Variants in LARGE1 observed in about 807,000 individuals in gnomAD.
LARGE1 encodes the protein LARGE xylosyl- and glucuronyltransferase 1, also known as xylosyl- and glucuronyltransferase LARGE1.
In LARGE1, 43 loss-of-function variants were observed where a neutral mutation model predicts 87.6. That is an observed-to-expected ratio of 0.49 (90% CI 0.38 to 0.63). The LOEUF (loss-of-function observed/expected upper bound fraction) is 0.63. Among genes scored for constraint, LARGE1 ranks in the 30% least tolerant of loss-of-function variants. The probability of loss-of-function intolerance (pLI) is 0.00; values close to 1 mark genes in which losing one functional copy is unlikely to be tolerated. For missense variants in LARGE1, 802 were observed against 1,000.2 expected (o/e 0.80, Z 2.67); for synonymous variants, 434 against 394.6 (o/e 1.10, Z -1.18).
the LARGE1 span, among the ~76,000 whole-genome samples, chr22:33,072,675 G>A: frequency 1.8e-4 from 28 of 152,064 alleles, no homozygotes; most frequent in Non-Finnish European, 2.9e-4. Context: ...TGGATTGGTC[G>A]GTGGTGGGCT....
chr22:33,553,597 G>A (rs751826138), intron 6 of LARGE1, among the ~76,000 whole-genome samples: 11 of 152,078 alleles, frequency 7.2e-5, no homozygotes, highest in Non-Finnish European at 1.6e-4. Flanking sequence ...ACTGTGTCAG[G>A]TATAGCACTA....
chr22:33,569,524 C>A (rs2078131212), intron 5 of LARGE1, among the ~76,000 whole-genome samples: 2 of 152,172 alleles, frequency 1.3e-5, no homozygotes, highest in African/African-American at 4.8e-5. Context: ...AAGAAAGCCC[C>A]AGGAAAAGGT....
At chr22:33,882,594 C>G (rs2064729444) in intron 1 of LARGE1, among the ~76,000 whole-genome samples, 1 of 152,108 alleles carries the variant, frequency 6.6e-6, no homozygotes, top group Admixed American at 6.5e-5. Context: ...AACAGGAAGG[C>G]TAATCTTTAT....
chr22:33,451,887 C>G (rs1050390764), intron 6 of LARGE1, among the ~76,000 whole-genome samples: 1 of 152,130 alleles, frequency 6.6e-6, no homozygotes, highest in Non-Finnish European at 1.5e-5. Context: ...CCTTTGCATC[C>G]TCATAGCTTA....
chr22:33,660,658 G>C (rs2149227134), intron 2 of LARGE1, among the ~76,000 whole-genome samples: 1 of 152,310 alleles, frequency 6.6e-6, no homozygotes, highest in South Asian at 2.1e-4. Context: ...ATATGCAATA[G>C]TTGGACACAA....
rs574192321 is a variant in LARGE1 at position 33,749,333 on chromosome 22, C to T, written c.106+12038G>A. 5.3e-5 allele frequency among the ~76,000 whole-genome samples: 8 copies of T among 152,282 alleles called. No individual in the cohort carries two copies. In the East Asian group the frequency reaches 1.4e-3, roughly 26 times the overall value. On this transcript the variant is annotated intron_variant, in intron 2 of 14. Coordinates refer to ENST00000397394, the MANE Select transcript of LARGE1 (RefSeq NM_133642.5). ...TTCTCCATGTTGGTCAGGCTGGTCTCGAACTCCCGACCTCAGGTACCCGCC... is the reference window on the plus strand; with the variant it reads ...TTCTCCATGTTGGTCAGGCTGGTCTTGAACTCCCGACCTCAGGTACCCGCC...
chr22:33,822,100 C>A (rs955186534), intron 1 of LARGE1, among the ~76,000 whole-genome samples: 1 of 152,054 alleles, frequency 6.6e-6, no homozygotes. Flanking sequence ...TATTCCCAAC[C>A]TTGGCCTGAT....
At chr22:33,283,830 A>C (rs1429523399) in intron 12 of LARGE1, among the ~76,000 whole-genome samples, 1 of 151,148 alleles carries the variant, frequency 6.6e-6, no homozygotes, top group Non-Finnish European at 1.5e-5. Context: ...GAGAAAAGAA[A>C]GGAAAGAAAA....
intron 2 of LARGE1, among the ~76,000 whole-genome samples, chr22:33,728,880 C>G (rs1022275311): frequency 6.6e-6 from 1 of 152,180 alleles, no homozygotes; most frequent in African/African-American, 2.4e-5. Context: ...CGGTTGGCCT[C>G]AGCTTTCTCT....
intron 12 of LARGE1, among the ~76,000 whole-genome samples, chr22:33,294,163 C>CGCCTGTAACAGAAATGCCCGT (rs1932931466): frequency 6.6e-6 from 1 of 152,236 alleles, no homozygotes; most frequent in Non-Finnish European, 1.5e-5. Context: ...CAGGTTTCCA[C>CGCCTGTAACAGAAATGCCCGT]GCCTGTAACA....
chr22:33,290,680 T>C (rs1243459959), intron 12 of LARGE1, among the ~76,000 whole-genome samples: 2 of 152,180 alleles, frequency 1.3e-5, no homozygotes, highest in Non-Finnish European at 2.9e-5. Flanking sequence ...GGTGGCATCT[T>C]CCCTGACTGC....
intron 11 of LARGE1, among the ~76,000 whole-genome samples, chr22:33,176,170 C>T (rs1342013402): frequency 6.6e-6 from 1 of 152,148 alleles, no homozygotes; most frequent in African/African-American, 2.4e-5. Context: ...GGATGAAAGA[C>T]TTAAATGTAA....
chr22:33,271,308 A>C (rs1928230024), downstream of LARGE1, among the ~76,000 whole-genome samples: 1 of 152,218 alleles, frequency 6.6e-6, no homozygotes, highest in African/African-American at 2.4e-5. Context: ...GATTTGATTT[A>C]AATTCTAGGT....
intron 6 of LARGE1, among the ~76,000 whole-genome samples, chr22:33,505,766 C>T (rs1014003911): frequency 1.9e-4 from 29 of 152,142 alleles, no homozygotes; most frequent in Admixed American, 1.6e-3. Context: ...GATTCCTTGT[C>T]GTGCTGCGAC....
At position 33,882,020 on chromosome 22, in the gene LARGE1, G is replaced by A. The variant is rs558989703; in HGVS notation, c.-83+37975C>T. Among the ~76,000 whole-genome samples, 13 of 151,414 alleles carry A rather than the reference G, an allele frequency of 8.6e-5. No homozygotes were observed. The East Asian group carries it at 2.1e-3, about 25-fold the overall frequency. On this transcript the variant is annotated intron_variant, in intron 1 of 14. Coordinates refer to ENST00000397394, the MANE Select transcript of LARGE1 (RefSeq NM_133642.5). ...CAAATGCTATCAATTATCTTTGCGG[G>A]GTTTTTTTGTTTTTGTTTTTTTTTG...
chr22:33,352,399 A>C (rs1315070493), intron 9 of LARGE1, among the ~76,000 whole-genome samples: 1 of 152,218 alleles, frequency 6.6e-6, no homozygotes. Flanking sequence ...TGAAAGCTTG[A>C]AGTTTACTTG....
chr22:33,481,893 T>C (rs2069346359), intron 6 of LARGE1, among the ~76,000 whole-genome samples: 1 of 152,184 alleles, frequency 6.6e-6, no homozygotes, highest in South Asian at 2.1e-4. Flanking sequence ...TTGAGTGACA[T>C]ACAGGTCACA....
intron 2 of LARGE1, among the ~76,000 whole-genome samples, chr22:33,740,550 T>A (rs955521037): frequency 6.6e-6 from 1 of 152,244 alleles, no homozygotes; most frequent in Admixed American, 6.5e-5. Context: ...TTAATCTTAG[T>A]GTCTTTCTCG....
chr22:33,599,960 C>A (rs1172136872), intron 5 of LARGE1, among the ~76,000 whole-genome samples: 1 of 152,166 alleles, frequency 6.6e-6, no homozygotes, highest in Non-Finnish European at 1.5e-5. Context: ...CTCACCTGTC[C>A]CAGAGCTGCT....
Sources: allele counts gnomAD v4.1 joint callset (sites outside exome capture counted in the v4.1 genomes callset), GRCh38; gene constraint gnomAD v4.1.1; transcripts MANE v1.5; gene names NCBI Gene and HGNC (gene_info 2026-07-23, HGNC 2026-07-21).